The following GATAD1 variants were observed in gnomAD, a reference collection of about 807,000 sequenced individuals.
The protein encoded by GATAD1 is GATA zinc finger domain-containing protein 1.
GATAD1 carries 12 observed loss-of-function variants against 26.5 expected under a neutral mutation model. The ratio of observed to expected loss-of-function variants is 0.45; its 90% CI spans 0.29 to 0.73. GATAD1 has a LOEUF of 0.73. GATAD1 is among the 30% of genes least tolerant of loss of function. The pLI is 0.10. For synonymous variants in GATAD1, 129 were observed against 133.1 expected (o/e 0.97, Z 0.21); for missense variants, 266 against 342.1 (o/e 0.78, Z 1.75).
Position 92,454,699 on chromosome 7 carries a change from A to G in GATAD1, c.619+14A>G, listed in dbSNP as rs773901139. On this transcript the variant is annotated intron_variant, in intron 4 of 4. Transcript: ENST00000287957. The stretch of plus-strand genomic sequence containing the variant: ...CCTATATCATAGGTAAGTTTGACAA[A>G]TGGCACAGGTTTTTTTTTAACTTAG... 5.8e-6 allele frequency: 9 copies of G among 1,552,794 alleles called. No homozygotes were observed. The highest frequency in any genetic ancestry group is 1.4e-5 in the African/African-American group (1 of 71,896).
chr7:92,475,946 G>C, the GATAD1 span, among the ~76,000 whole-genome samples: 1 of 152,202 alleles, frequency 6.6e-6, no homozygotes, highest in Admixed American at 6.5e-5. Flanking sequence ...CAGCTCACAC[G>C]TTTGAGGAGA....
rs1335667967 is a variant in GATAD1, at chr7:92,458,280, A to G, written c.*1718A>G. The G allele has an allele frequency of 6.6e-6, 1 of 152,286 alleles. No homozygotes were observed. The highest frequency in any genetic ancestry group is 1.5e-5 in the Non-Finnish European group (1 of 68,054). 9.4% of individuals were successfully genotyped at this position (152,286 alleles called of 1,614,324 possible). On this transcript the variant is annotated 3_prime_UTR_variant, in exon 5 of 5. Transcript: ENST00000287957. ...ATCAAACCATAAGATTTTATACTGC[A>G]GATAGTCAGCTTCACCAAAGCCGCA...
the GATAD1 span, chr7:92,489,600 C>T: frequency 3.8e-6 from 4 of 1,061,440 alleles, no homozygotes; most frequent in Non-Finnish European, 5.7e-6. Context: ...TTAATGTGTT[C>T]TGGTCCCTTG....
At position 92,447,836 on chromosome 7, in the gene GATAD1, G is replaced by C. The variant is rs934989780; in HGVS notation, c.107G>C (p.Arg36Pro). The C allele has an allele frequency of 2.1e-6, 3 of 1,411,074 alleles. No individual in the cohort carries two copies. The highest frequency in any genetic ancestry group is 1.6e-5 in the South Asian group (1 of 63,152). The allele number at this position is 1,411,074 out of a possible 1,614,324, so 87.4% of individuals were successfully genotyped here. A position where few individuals can be genotyped will look rare whatever the true frequency, so the allele number is the denominator to read the frequency against. ...GEILCHHCTG[R>P]GGAGSGGAGS... ...ATCCTCTGCCATCATTGCACTGGCCGGGGCGGCGCGGGCAGCGGGGGCGCA... is the reference window on the plus strand; with the variant it reads ...ATCCTCTGCCATCATTGCACTGGCCCGGGCGGCGCGGGCAGCGGGGGCGCA... The change falls in exon 1 of 5, where the codon CGG (arginine) becomes CCG (proline). Residue 36 changes from arginine (R) to proline (P), a missense_variant. Arg to Pro is a moderately radical substitution (Grantham distance 103, BLOSUM62 -2). Coordinates refer to ENST00000287957, the MANE Select transcript of GATAD1 (RefSeq NM_021167.5).
Position 92,455,541 on chromosome 7 carries a change from T to G in GATAD1, c.620-831T>G, listed in dbSNP as rs113907829. On this transcript the variant is annotated intron_variant, in intron 4 of 4. Transcript: ENST00000287957. ...GTTAATTTCAAAGCTGCCAAAACAG[T>G]TGTGAGATAGACTCACAAGAATTTA... 1.2e-4 allele frequency among the ~76,000 whole-genome samples: 19 copies of G among 152,280 alleles called. 1 individual carries two copies. Among genetic ancestry groups the G allele is most frequent in the African/African-American group, 4.3e-4 (18 of 41,548 alleles).
At chr7:92,463,658 G>A (rs1216407205), downstream of GATAD1, among the ~76,000 whole-genome samples, 20 of 133,696 alleles carry the variant, frequency 1.5e-4, no homozygotes, top group Non-Finnish European at 2.7e-4. Context: ...GCCAGATTCC[G>A]TCTCAAAAAA....
In GATAD1 at chr7:92,456,957, G is replaced by A. The variant is rs185650494; in HGVS notation, c.*395G>A. ...GTGGATCGCCTGAGGTCAGGAGTTC[G>A]AGACCAGCCTGGCCAACATGGCGAA... is the stretch of plus-strand genomic sequence containing the variant. On this transcript the variant is annotated 3_prime_UTR_variant, in exon 5 of 5. Transcript: ENST00000287957. 4.2e-4 allele frequency: 66 copies of A among 157,608 alleles called. No individual in the cohort carries two copies. Among genetic ancestry groups the A allele is most frequent in the East Asian group, 1.5e-3 (8 of 5,448 alleles). The allele number at this position is 157,608 out of a possible 1,614,324, so 9.8% of individuals were successfully genotyped here. A position where few individuals can be genotyped will look rare whatever the true frequency, so the allele number is the denominator to read the frequency against.
At chr7:92,467,596 A>C in the GATAD1 span, among the ~76,000 whole-genome samples, 1 of 152,220 alleles carries the variant, frequency 6.6e-6, no homozygotes, top group Non-Finnish European at 1.5e-5. Flanking sequence ...GCCACTTTGG[A>C]CTGATCAAGT....
At chr7:92,453,529 C>G (rs1300228535) in intron 3 of GATAD1, among the ~76,000 whole-genome samples, 1 of 152,088 alleles carries the variant, frequency 6.6e-6, no homozygotes, top group Non-Finnish European at 1.5e-5. Context: ...TACTAGTAGT[C>G]CTGTTGTGGA....
Position 92,447,882 on chromosome 7 carries a change from G to T in GATAD1, c.153G>T (p.Gly51=). 7.7e-7 allele frequency: 1 copy of T among 1,290,984 alleles called. No individual in the cohort carries two copies. Among genetic ancestry groups the T allele is most frequent in the Non-Finnish European group, 9.8e-7 (1 of 1,018,888 alleles). The allele number at this position is 1,290,984 out of a possible 1,614,324, so 80.0% of individuals were successfully genotyped here. ...GCGCAGGCTCGGGGGCGGCTGGAGG[G>T]ACTGGGGGCAGCGGCGGCGGCGGCT... ...SGGAGSGAAG[G]TGGSGGGGFG... Residue 51 remains glycine (G), a synonymous_variant, in exon 1 of 5, where the codon GGG becomes GGT. Coordinates refer to ENST00000287957, the MANE Select transcript of GATAD1 (RefSeq NM_021167.5).
At chr7:92,464,003 T>A (rs942027766), downstream of GATAD1, among the ~76,000 whole-genome samples, 1 of 152,152 alleles carries the variant, frequency 6.6e-6, no homozygotes, top group Admixed American at 6.6e-5. Flanking sequence ...TTGTTATGCA[T>A]ATTTTACCAT....
rs1364873937 is a variant in GATAD1 at position 92,459,368 on chromosome 7, C to G, written c.*2806C>G. The G allele has an allele frequency of 1.3e-5, 2 of 152,158 alleles. No homozygotes were observed. Among genetic ancestry groups the G allele is most frequent in the Admixed American group, 1.3e-4 (2 of 15,272 alleles). The allele number at this position is 152,158 out of a possible 1,614,324, so 9.4% of individuals were successfully genotyped here. A position where few individuals can be genotyped will look rare whatever the true frequency, so the allele number is the denominator to read the frequency against. On this transcript the variant is annotated 3_prime_UTR_variant, in exon 5 of 5. Coordinates refer to ENST00000287957, the MANE Select transcript of GATAD1 (RefSeq NM_021167.5). ...TTTTAAAAATCTATAAATTGATCAT[C>G]TGTTTATAAATTGGCAGATGGTTGT...
the GATAD1 span, among the ~76,000 whole-genome samples, chr7:92,465,455 T>C: frequency 1.3e-5 from 2 of 151,962 alleles, no homozygotes; most frequent in South Asian, 4.2e-4. Context: ...CCATCTCTAC[T>C]AAAAATACAA....
the GATAD1 span, among the ~76,000 whole-genome samples, chr7:92,490,470 A>T: frequency 1.3e-5 from 2 of 152,012 alleles, no homozygotes; most frequent in African/African-American, 4.8e-5. Flanking sequence ...CCTCGTCTCT[A>T]CAAAACATAC....
the GATAD1 span, among the ~76,000 whole-genome samples, chr7:92,485,598 G>T: frequency 3.9e-5 from 6 of 152,192 alleles, no homozygotes; most frequent in African/African-American, 7.2e-5. Context: ...CAGACACTCT[G>T]GGGATTATCA....
downstream of GATAD1, among the ~76,000 whole-genome samples, chr7:92,462,503 A>C (rs1475044039): frequency 1.3e-5 from 2 of 152,244 alleles, no homozygotes; most frequent in Non-Finnish European, 2.9e-5. Flanking sequence ...AAAATTTTGA[A>C]GTTTGTATTA....
At chr7:92,489,279 A>C in the GATAD1 span, 2 of 1,610,860 alleles carry the variant, frequency 1.2e-6, no homozygotes, top group Non-Finnish European at 8.5e-7. Flanking sequence ...TCCAAAACAG[A>C]ATCTGTTACT....
chr7:92,452,992 A>AG (rs1395731261), intron 3 of GATAD1, among the ~76,000 whole-genome samples: 1 of 152,222 alleles, frequency 6.6e-6, no homozygotes, highest in African/African-American at 2.4e-5. Flanking sequence ...GCTGGGAGGA[A>AG]GGACCAGCTA....
chr7:92,449,333 TATG>T, intron 2 of GATAD1: 3 of 891,908 alleles, frequency 3.4e-6, no homozygotes, highest in African/African-American at 1.8e-5. Flanking sequence ...CTTACTGACT[TATG>T]ATGATGATGT....
Sources: allele counts gnomAD v4.1 joint callset (sites outside exome capture counted in the v4.1 genomes callset), GRCh38; gene constraint gnomAD v4.1.1; transcripts MANE v1.5; gene names NCBI Gene and HGNC (gene_info 2026-07-23, HGNC 2026-07-21).